NEGR1: variants seen among roughly 807,000 people sequenced by gnomAD.
NEGR1 encodes neuronal growth regulator 1, also known as IgLON family member 4.
In NEGR1, 10 loss-of-function variants were observed where a neutral mutation model predicts 40.9. The observed-to-expected ratio is 0.24, with a 90% CI of 0.15 to 0.42. The LOEUF is 0.42. NEGR1 is among the 10% of genes least tolerant of loss of function. The pLI is 1.00. For missense variants in NEGR1, 352 were observed against 438.9 expected (o/e 0.80, Z 1.77); for synonymous variants, 185 against 166.8 (o/e 1.11, Z -0.84).
intron 6 of NEGR1, among the ~76,000 whole-genome samples, chr1:71,440,966 A>C (rs1342542882): frequency 2.6e-5 from 4 of 152,220 alleles, no homozygotes; most frequent in African/African-American, 9.6e-5. Context: ...CATAGATCAA[A>C]ACAGGATAAA....
At chr1:71,420,409 C>T (rs563259962) in intron 6 of NEGR1, among the ~76,000 whole-genome samples, 37 of 152,008 alleles carry the variant, frequency 2.4e-4, no homozygotes, top group African/African-American at 8.4e-4. Context: ...GGAGTGCCTG[C>T]TATGTGTTAG....
chr1:71,825,513 G>C (rs490859), intron 2 of NEGR1, among the ~76,000 whole-genome samples: 127 of 151,738 alleles, frequency 8.4e-4, no homozygotes, highest in African/African-American at 2.9e-3. Context: ...AATACTACTA[G>C]TATGTTTATT....
chr1:71,969,256 C>G (rs1323720882), intron 1 of NEGR1, among the ~76,000 whole-genome samples: 1 of 152,196 alleles, frequency 6.6e-6, no homozygotes, highest in Non-Finnish European at 1.5e-5. Context: ...CTCAGGTGAT[C>G]TGCCAGCCTC....
intron 1 of NEGR1, among the ~76,000 whole-genome samples, chr1:72,026,659 G>A (rs761287690): frequency 2.0e-5 from 3 of 151,918 alleles, no homozygotes; most frequent in African/African-American, 7.3e-5. Flanking sequence ...CCTGGAAATG[G>A]CCACCAACTG....
intron 1 of NEGR1, among the ~76,000 whole-genome samples, chr1:72,241,249 TTA>T (rs1557593878): frequency 1.3e-5 from 2 of 151,788 alleles, no homozygotes; most frequent in Non-Finnish European, 2.9e-5. Flanking sequence ...AGAACTTCTC[TTA>T]TTTGTTTTGA....
chr1:71,413,591 A>G (rs1412296215), intron 6 of NEGR1, among the ~76,000 whole-genome samples: 1 of 152,204 alleles, frequency 6.6e-6, no homozygotes, highest in African/African-American at 2.4e-5. Context: ...GTCAGAGGAT[A>G]TGACCTCTTC....
rs902071736 is a variant in NEGR1 at position 72,041,969 on chromosome 1, AATATATAATAC to A, written c.177-106669_177-106659del. ...GAGTCTCAAATATATATTATATATA[AATATATAATAC>A]ATATTTGAGACTCTCAAATATATAA... On this transcript the variant is annotated intron_variant, in intron 1 of 6. Transcript: ENST00000357731. 1.2e-4 allele frequency among the ~76,000 whole-genome samples: 16 copies of A among 133,630 alleles called. No homozygotes were observed. The Admixed American group carries it at 1.3e-3, about 11-fold the overall frequency. The allele number at this position is 133,630 out of a possible 152,430, so 87.7% of individuals were successfully genotyped here. A position where few individuals can be genotyped will look rare whatever the true frequency, so the allele number is the denominator to read the frequency against.
intron 4 of NEGR1, among the ~76,000 whole-genome samples, chr1:71,688,590 G>T (rs1653143120): frequency 6.6e-6 from 1 of 151,030 alleles, no homozygotes; most frequent in Non-Finnish European, 1.5e-5. Context: ...CCAAGTAGCT[G>T]GGATTACAGG....
chr1:72,077,933 G>T (rs1647821011), intron 1 of NEGR1, among the ~76,000 whole-genome samples: 1 of 152,154 alleles, frequency 6.6e-6, no homozygotes, highest in African/African-American at 2.4e-5. Context: ...CAATTGATTT[G>T]TATTTCGGTA....
At position 72,062,519 on chromosome 1, in the gene NEGR1, G is replaced by A. The variant is rs551767709; in HGVS notation, c.177-127208C>T. Among the ~76,000 whole-genome samples, 103 of 152,016 alleles carry A rather than the reference G, an allele frequency of 6.8e-4. 4 individuals are homozygous for A. The South Asian group carries it at 0.019, about 29-fold the overall frequency. On this transcript the variant is annotated intron_variant, in intron 1 of 6. Coordinates refer to ENST00000357731, the MANE Select transcript of NEGR1 (RefSeq NM_173808.3). ...CACCTAGAATAGTGTGAAGAAGCAC[G>A]ATGAGTTCAATAAACATAACTAGAG... is the stretch of plus-strand genomic sequence containing the variant.
chr1:71,640,677 A>C (rs932530876), intron 4 of NEGR1, among the ~76,000 whole-genome samples: 1 of 152,078 alleles, frequency 6.6e-6, no homozygotes, highest in Non-Finnish European at 1.5e-5. Context: ...GAAGAACTTA[A>C]ATATTCAACC....
chr1:71,778,470 G>A (rs544356110), intron 2 of NEGR1, among the ~76,000 whole-genome samples: 9 of 152,172 alleles, frequency 5.9e-5, no homozygotes, highest in Admixed American at 2.6e-4. Context: ...TATGATGTTC[G>A]ATAGTTTAAG....
At chr1:72,057,307 AT>A (rs912387595) in intron 1 of NEGR1, among the ~76,000 whole-genome samples, 255 of 150,708 alleles carry the variant, frequency 1.7e-3, no homozygotes, top group Middle Eastern at 0.01. Flanking sequence ...TCCAAACTTA[AT>A]TTTTTTTTGC....
At chr1:71,409,261 T>C (rs1646300713) in intron 6 of NEGR1, among the ~76,000 whole-genome samples, 1 of 151,762 alleles carries the variant, frequency 6.6e-6, no homozygotes, top group South Asian at 2.1e-4. Flanking sequence ...TTAATCTTTA[T>C]TTAATATATG....
rs1197591683 is a variant in NEGR1 at position 71,776,305 on chromosome 1, GAC to G, written c.410-10_410-9del. On this transcript the variant is annotated splice_polypyrimidine_tract_variant and intron_variant, in intron 2 of 6. Coordinates refer to ENST00000357731, the MANE Select transcript of NEGR1 (RefSeq NM_173808.3). ...CATATATCTTAGGAGGAACTGAAAT[GAC>G]AAAATACGCAGTGATTAGAAAAAAA... 29 of 1,537,346 alleles carry G rather than the reference GAC, an allele frequency of 1.9e-5. No individual in the cohort carries two copies. Among genetic ancestry groups the G allele is most frequent in the Non-Finnish European group, 2.5e-5 (28 of 1,132,584 alleles).
intron 3 of NEGR1, among the ~76,000 whole-genome samples, chr1:71,710,600 T>C (rs1437055792): frequency 1.3e-5 from 2 of 152,222 alleles, no homozygotes; most frequent in African/African-American, 2.4e-5. Flanking sequence ...GAGGTCATTA[T>C]GTTAAGTGAA....
intron 1 of NEGR1, among the ~76,000 whole-genome samples, chr1:72,120,157 T>C (rs1649742082): frequency 6.6e-6 from 1 of 151,934 alleles, no homozygotes; most frequent in Non-Finnish European, 1.5e-5. Context: ...AGTGAACCTT[T>C]GGGAAATGTG....
chr1:71,760,097 A>C (rs1019953004), intron 3 of NEGR1, among the ~76,000 whole-genome samples: 2 of 152,170 alleles, frequency 1.3e-5, no homozygotes, highest in South Asian at 4.1e-4. Context: ...ACCAAGGGGA[A>C]ACAACGTGGC....
At chr1:72,277,600 A>G (rs1656101776) in intron 1 of NEGR1, among the ~76,000 whole-genome samples, 1 of 152,178 alleles carries the variant, frequency 6.6e-6, no homozygotes, top group Admixed American at 6.5e-5. Flanking sequence ...AAATCAATAT[A>G]GGTAACATTT....
Sources: gnomAD v4.1 joint callset for allele counts (sites outside exome capture counted in the v4.1 genomes callset) on GRCh38, gnomAD v4.1.1 for gene constraint, MANE v1.5 for transcripts, NCBI Gene and HGNC (gene_info 2026-07-23, HGNC 2026-07-21) for gene names.